KAT14: variants seen among roughly 807,000 people sequenced by gnomAD.
KAT14 encodes lysine acetyltransferase 14.
A neutral mutation model predicts 78.4 loss-of-function variants in KAT14; 66 were observed. That is an observed-to-expected ratio of 0.84 (90% confidence interval 0.69 to 1.03). The LOEUF is 1.03. KAT14 is among the 50% of genes least tolerant of loss of function. The pLI, the probability that KAT14 is intolerant of heterozygous loss-of-function variation, is 0.00. For synonymous variants in KAT14, 344 were observed against 359.4 expected (o/e 0.96, Z 0.48); for missense variants, 870 against 972.5 (o/e 0.89, Z 1.40).
intron 5 of KAT14, among the ~76,000 whole-genome samples, chr20:18,161,042 C>T (rs530285260): frequency 1.4e-3 from 216 of 152,076 alleles, no homozygotes; most frequent in Non-Finnish European, 2.6e-3. Flanking sequence ...GGCGTGATGG[C>T]GCATGCCTGT....
chr20:18,157,000 A>G (rs533589742), intron 4 of KAT14, among the ~76,000 whole-genome samples: 1 of 152,248 alleles, frequency 6.6e-6, no homozygotes, highest in South Asian at 2.1e-4. Flanking sequence ...CTTGTGGGGC[A>G]TATTCTTGTA....
chr20:18,159,014 T>G, intron 4 of KAT14, 70 bp from the exon 5 acceptor site: 1 of 1,516,906 alleles, frequency 6.6e-7, no homozygotes, highest in African/African-American at 1.4e-5. Flanking sequence ...GGAGTCACAG[T>G]ATACACAGAC....
chr20:18,181,369 T>C (rs1165994111), intron 7 of KAT14, among the ~76,000 whole-genome samples: 2 of 142,160 alleles, frequency 1.4e-5, no homozygotes, highest in African/African-American at 2.6e-5. Context: ...TGTTTCTTTT[T>C]TTTTTTTTTT....
At chr20:18,153,782 C>T (rs1009546) in intron 4 of KAT14, among the ~76,000 whole-genome samples, 149,698 of 152,332 alleles carry the variant, frequency 0.98, 73,559 homozygotes, top group East Asian at 1. Context: ...ATCAAGTCAC[C>T]TGAAAAATAC....
intron 7 of KAT14, among the ~76,000 whole-genome samples, chr20:18,177,669 A>G (rs2039095065): frequency 6.6e-6 from 1 of 152,222 alleles, no homozygotes; most frequent in African/African-American, 2.4e-5. Context: ...CCTTTTAACA[A>G]AGTTATTTTC....
chr20:18,141,532 G>C (rs2037579350), intron 1 of KAT14, among the ~76,000 whole-genome samples: 1 of 152,128 alleles, frequency 6.6e-6, no homozygotes, highest in South Asian at 2.1e-4. Context: ...GAGTAGTTTA[G>C]AGTGTTACTG....
intron 10 of KAT14, among the ~76,000 whole-genome samples, chr20:18,186,264 CAT>C (rs769880721): frequency 9.2e-5 from 14 of 152,150 alleles, no homozygotes; most frequent in Admixed American, 3.9e-4. Context: ...AGGGCCCAAA[CAT>C]AGGTGGCGCA....
chr20:18,183,089 G>T (rs1412395727), intron 8 of KAT14, 34 bp from the exon 9 acceptor site: 6 of 1,573,358 alleles, frequency 3.8e-6, no homozygotes, highest in South Asian at 1.2e-5. Flanking sequence ...TATTTTTCTT[G>T]ACTTGAATTT....
chr20:18,181,786 T>A lies in KAT14; in HGVS notation c.1745T>A (p.Met582Lys), dbSNP rs761430420. The A allele has an allele frequency of 1.2e-6, 2 of 1,614,230 alleles. No individual in the cohort carries two copies. The highest frequency in any genetic ancestry group is 8.5e-7 in the Non-Finnish European group (1 of 1,180,038). ...TATCGCTTGGTAGGATCAGAAGATA[T>A]GGCTGTGGACCAGAGTATTGTCAGC... ...FLYRLVGSED[M>K]AVDQSIVSPY... Residue 582 changes from methionine to lysine, a missense_variant, in exon 8 of 11, where the codon ATG (methionine) becomes AAG (lysine). Met to Lys is a moderately conservative substitution (Grantham distance 95, BLOSUM62 -1). Coordinates refer to ENST00000688188, the MANE Select transcript of KAT14 (RefSeq NM_001392073.1).
rs2038955911 is a variant in KAT14 at position 18,174,271 on chromosome 20, T to C, written c.1669-7439T>C. 2.0e-5 allele frequency among the ~76,000 whole-genome samples: 3 copies of C among 152,264 alleles called. No individual in the cohort carries two copies. In the South Asian group the frequency reaches 6.2e-4, roughly 32 times the overall value. On this transcript the variant is annotated intron_variant, in intron 7 of 10. Coordinates refer to ENST00000688188, the MANE Select transcript of KAT14 (RefSeq NM_001392073.1). ...TTGACTATGAACATAAATACTGCTTTGAACATATGTATACAAGTTTTTGTG... is the reference window on the plus strand; with the variant it reads ...TTGACTATGAACATAAATACTGCTTCGAACATATGTATACAAGTTTTTGTG...
chr20:18,175,492 A>C (rs981482254), intron 7 of KAT14, among the ~76,000 whole-genome samples: 1 of 151,964 alleles, frequency 6.6e-6, no homozygotes, highest in African/African-American at 2.4e-5. Context: ...ACTCGTACCC[A>C]GCCACCTGTC....
chr20:18,184,586 G>A lies in KAT14; in HGVS notation c.1982-16G>A, dbSNP rs1211773420. 6.3e-7 allele frequency: 1 copy of A among 1,592,976 alleles called. No individual in the cohort carries two copies. The highest frequency in any genetic ancestry group is 1.8e-5 in the Admixed American group (1 of 54,804). On this transcript the variant is annotated splice_polypyrimidine_tract_variant and intron_variant, in intron 9 of 10. Coordinates refer to ENST00000688188, the MANE Select transcript of KAT14 (RefSeq NM_001392073.1). ...AAGGCATGTGGTTTGAGTCTCCGAT[G>A]GTTTCTTTTCTTTAGGCATTGACCT...
chr20:18,138,470 A>C, intron 1 of KAT14: 1 of 989,844 alleles, frequency 1.0e-6, no homozygotes. Context: ...CTTGGGGTGC[A>C]TTCTGCAAGC....
In KAT14 at chr20:18,159,122, G is replaced by GC; in HGVS notation, c.541dup (p.Leu181ProfsTer27). The GC allele has an allele frequency of 1.9e-6, 3 of 1,612,200 alleles. No individual in the cohort carries two copies. In the South Asian group the frequency reaches 3.3e-5, roughly 18 times the overall value. On this transcript the variant is annotated frameshift_variant, in exon 5 of 11. Coordinates refer to ENST00000688188, the MANE Select transcript of KAT14 (RefSeq NM_001392073.1). LOFTEE classifies it high-confidence loss of function. Reference sequence around the variant, plus strand: ...ACCTGGTGGAGCACCGTGGCAGGTTGCCTCAGCGTGGGAAGTCCCATGTAC... The same window carrying GC: ...ACCTGGTGGAGCACCGTGGCAGGTTGCCCTCAGCGTGGGAAGTCCCATGTAC...
chr20:18,155,349 G>T (rs1194666459), intron 4 of KAT14, among the ~76,000 whole-genome samples: 1 of 152,118 alleles, frequency 6.6e-6, no homozygotes, highest in African/African-American at 2.4e-5. Context: ...AAAAGGTGGG[G>T]GTTTTTTTGG....
rs1249724655 is a variant in KAT14, at chr20:18,142,694, A to G, written c.34A>G (p.Ser12Gly). The G allele has an allele frequency of 2.5e-6, 4 of 1,614,082 alleles. No individual in the cohort carries two copies. Among genetic ancestry groups the G allele is most frequent in the Non-Finnish European group, 2.5e-6 (3 of 1,180,044 alleles). ...DSSIHLSSLI[S>G]RHDDEATRTS... ...TAGCATCCACCTGAGTAGTCTGATC[A>G]GTCGGCATGATGACGAAGCCACGAG... The change falls in exon 2 of 11, where the codon AGT (serine) becomes GGT (glycine). Residue 12 changes from serine (S) to glycine (G), a missense_variant. Transcript: ENST00000688188.
At chr20:18,181,116 A>G (rs1039049715) in intron 7 of KAT14, among the ~76,000 whole-genome samples, 1 of 152,286 alleles carries the variant, frequency 6.6e-6, no homozygotes, top group Admixed American at 6.5e-5. Flanking sequence ...CCAGTGTTCA[A>G]TCCTGCATCT....
At chr20:18,138,519 C>T in intron 1 of KAT14, 9 of 933,514 alleles carry the variant, frequency 9.6e-6, no homozygotes, top group Non-Finnish European at 1.2e-5. Context: ...GGGTTAAAGC[C>T]TAATGTGTTT....
intron 7 of KAT14, among the ~76,000 whole-genome samples, chr20:18,164,366 A>T (rs1339795805): frequency 6.6e-6 from 1 of 151,820 alleles, no homozygotes; most frequent in Admixed American, 6.6e-5. Context: ...CATTTCCTAG[A>T]TGTGGGCAGT....
Sources: gnomAD v4.1 joint callset for allele counts (sites outside exome capture counted in the v4.1 genomes callset) on GRCh38, gnomAD v4.1.1 for gene constraint, MANE v1.5 for transcripts, NCBI Gene and HGNC (gene_info 2026-07-23, HGNC 2026-07-21) for gene names.